GTF2H1: variants seen among roughly 807,000 people sequenced by gnomAD.
GTF2H1 encodes BTF2 p62.
GTF2H1 carries 16 observed loss-of-function variants against 71.2 expected under a neutral mutation model. The observed-to-expected ratio is 0.22, with a 90% CI of 0.15 to 0.34. The LOEUF (loss-of-function observed/expected upper bound fraction) is 0.34, where lower values mean the gene tolerates loss of function less well. Among genes scored for constraint, GTF2H1 ranks in the 10% least tolerant of loss-of-function variants. GTF2H1 has a pLI of 1.00. For missense variants in GTF2H1, 498 were observed against 648.2 expected, an observed-to-expected ratio of 0.77 and a Z score of 2.52; for synonymous variants, 215 against 219.0, an observed-to-expected ratio of 0.98 and a Z score of 0.16.
chr11:18,329,878 C>G (rs149613751), intron 1 of GTF2H1, among the ~76,000 whole-genome samples: 1 of 152,244 alleles, frequency 6.6e-6, no homozygotes, highest in East Asian at 1.9e-4. Context: ...AAGCAAAAAA[C>G]TAGAGACAAA....
At position 18,366,788 on chromosome 11, in the gene GTF2H1, T is replaced by C. The variant is rs1358037396; in HGVS notation, c.*919T>C. ...TAAAAAAATCTTATTTTCACCTCTT[T>C]AGAAGAAATAAAAGATGTTTCTCCT... On this transcript the variant is annotated 3_prime_UTR_variant, in exon 15 of 15. Transcript: ENST00000265963. 1 of 152,276 alleles carries C rather than the reference T, an allele frequency of 6.6e-6. No homozygotes were observed. The highest frequency in any genetic ancestry group is 2.1e-4 in the South Asian group (1 of 4,828). 9.4% of individuals were successfully genotyped at this position (152,276 alleles called of 1,614,324 possible).
intron 9 of GTF2H1, chr11:18,351,526 C>G (rs1865424628): frequency 6.5e-6 from 1 of 154,074 alleles, no homozygotes; most frequent in African/African-American, 2.4e-5. Flanking sequence ...AGACTGTTTC[C>G]TTAATATTTA....
At chr11:18,346,509 A>C (rs867761014) in intron 7 of GTF2H1, among the ~76,000 whole-genome samples, 1 of 152,122 alleles carries the variant, frequency 6.6e-6, no homozygotes, top group Non-Finnish European at 1.5e-5. Context: ...TTAAGCTCCT[A>C]TGGCATGGGG....
intron 14 of GTF2H1, among the ~76,000 whole-genome samples, chr11:18,362,666 T>C (rs1431219245): frequency 1.4e-5 from 1 of 74,010 alleles, no homozygotes; most frequent in Non-Finnish European, 2.9e-5. Context: ...TTTTTTCTTT[T>C]TCTTTTTTTT....
chr11:18,358,242 A>C, intron 12 of GTF2H1, 200 bp downstream of exon 12: 1 of 597,756 alleles, frequency 1.7e-6, no homozygotes, highest in Non-Finnish European at 3.0e-6. Flanking sequence ...TATTACAAAT[A>C]GTGGTACATT....
intron 7 of GTF2H1, 72 bp downstream of exon 7, chr11:18,341,679 T>C: frequency 3.3e-6 from 3 of 906,076 alleles, no homozygotes; most frequent in Non-Finnish European, 5.2e-6. Context: ...TTAAGCGTAG[T>C]AGACCTATTC....
intron 3 of GTF2H1, among the ~76,000 whole-genome samples, chr11:18,337,610 A>G (rs1865061142): frequency 6.6e-6 from 1 of 152,218 alleles, no homozygotes; most frequent in African/African-American, 2.4e-5. Context: ...GAAAAAAATA[A>G]CAGTACGATA....
At chr11:18,344,560 A>G (rs1266417804) in intron 7 of GTF2H1, among the ~76,000 whole-genome samples, 1 of 148,462 alleles carries the variant, frequency 6.7e-6, no homozygotes, top group Non-Finnish European at 1.5e-5. Flanking sequence ...CAGAGGCTGC[A>G]GTGAGCTAAG....
chr11:18,360,807 CTTTTTTTT>C, intron 14 of GTF2H1, 100 bp downstream of exon 14: 1 of 513,760 alleles, frequency 1.9e-6, no homozygotes, highest in South Asian at 2.1e-5. Context: ...ACTTAATTTT[CTTTTTTTT>C]TTTTTTTTGA....
intron 9 of GTF2H1, 145 bp downstream of exon 9, chr11:18,348,064 C>T (rs4150639): frequency 0.029 from 19,560 of 679,022 alleles, 397 homozygotes; most frequent in Non-Finnish European, 0.041. Flanking sequence ...TATAGCATTA[C>T]AAAGAGTATT....
chr11:18,366,781 A>T lies in GTF2H1; in HGVS notation c.*912A>T, dbSNP rs3191978. 6.6e-6 allele frequency: 1 copy of T among 151,984 alleles called. No homozygotes were observed. Among genetic ancestry groups the T allele is most frequent in the African/African-American group, 2.4e-5 (1 of 41,268 alleles). The allele number at this position is 151,984 out of a possible 1,614,324, so 9.4% of individuals were successfully genotyped here. On this transcript the variant is annotated 3_prime_UTR_variant, in exon 15 of 15. Coordinates refer to ENST00000265963, the MANE Select transcript of GTF2H1 (RefSeq NM_005316.4). Reference sequence around the variant, plus strand: ...GAAATATTAAAAAAATCTTATTTTCACCTCTTTAGAAGAAATAAAAGATGT... The same window carrying T: ...GAAATATTAAAAAAATCTTATTTTCTCCTCTTTAGAAGAAATAAAAGATGT...
chr11:18,355,409 C>G (rs904270025), intron 11 of GTF2H1, among the ~76,000 whole-genome samples: 4 of 151,826 alleles, frequency 2.6e-5, no homozygotes, highest in Non-Finnish European at 5.9e-5. Flanking sequence ...TCCCAAAGTG[C>G]TGGGATTACA....
intron 1 of GTF2H1, among the ~76,000 whole-genome samples, chr11:18,325,452 T>C (rs945573290): frequency 1.3e-5 from 2 of 152,262 alleles, no homozygotes; most frequent in Admixed American, 1.3e-4. Context: ...TCTTAAATGA[T>C]GTCATTGATA....
At chr11:18,352,185 A>T in intron 10 of GTF2H1, 144 bp from the exon 11 acceptor site, 1 of 638,758 alleles carries the variant, frequency 1.6e-6, no homozygotes, top group African/African-American at 1.8e-5. Context: ...CCCTTATGGG[A>T]ATTAAATTAT....
intron 3 of GTF2H1, among the ~76,000 whole-genome samples, chr11:18,337,026 C>G (rs1222536327): frequency 6.6e-6 from 1 of 152,198 alleles, no homozygotes; most frequent in Non-Finnish European, 1.5e-5. Context: ...GCTGGGATAA[C>G]AGGTGTGAAC....
intron 5 of GTF2H1, among the ~76,000 whole-genome samples, chr11:18,340,499 G>C (rs1259375847): frequency 6.6e-6 from 1 of 152,098 alleles, no homozygotes; most frequent in African/African-American, 2.4e-5. Context: ...TGTTGGCCAG[G>C]CTGGTCTTGA....
At chr11:18,349,493 G>A (rs542935491) in intron 9 of GTF2H1, among the ~76,000 whole-genome samples, 133 of 152,200 alleles carry the variant, frequency 8.7e-4, no homozygotes, top group African/African-American at 3.0e-3. Flanking sequence ...GATCAGCCTG[G>A]CCAGCATGGT....
intron 7 of GTF2H1, among the ~76,000 whole-genome samples, chr11:18,344,930 G>A (rs1272031902): frequency 6.6e-6 from 1 of 152,092 alleles, no homozygotes; most frequent in Non-Finnish European, 1.5e-5. Context: ...TTCTCGCCAG[G>A]TGGGGTGGCT....
chr11:18,339,122 C>A (rs181040780), intron 4 of GTF2H1, among the ~76,000 whole-genome samples: 4 of 152,250 alleles, frequency 2.6e-5, no homozygotes, highest in African/African-American at 9.6e-5. Flanking sequence ...TTAACACATT[C>A]AACAAAATTT....
Sources: allele counts gnomAD v4.1 joint callset (sites outside exome capture counted in the v4.1 genomes callset), GRCh38; gene constraint gnomAD v4.1.1; transcripts MANE v1.5; gene names NCBI Gene and HGNC (gene_info 2026-07-23, HGNC 2026-07-21).